The following OSTN variants were observed in gnomAD, a reference collection of about 807,000 sequenced individuals.
The protein encoded by OSTN is osteocrin.
Under a neutral mutation model 12.0 loss-of-function variants are expected in OSTN, and 9 were observed. That is an observed-to-expected ratio of 0.75 (90% CI 0.45 to 1.30). The LOEUF (loss-of-function observed/expected upper bound fraction) is 1.30. OSTN is among the 50% of genes most tolerant of loss of function. OSTN has a pLI of 0.00. For synonymous variants in OSTN, 59 were observed against 56.9 expected (o/e 1.04, Z -0.16); for missense variants, 148 against 152.3 (o/e 0.97, Z 0.15).
At chr3:191,206,677 G>C (rs990290750) in intron 1 of OSTN, among the ~76,000 whole-genome samples, 1 of 152,236 alleles carries the variant, frequency 6.6e-6, no homozygotes, top group Non-Finnish European at 1.5e-5. Context: ...AGTTGGTCTA[G>C]AGAGGAAAGT....
intron 3 of OSTN, among the ~76,000 whole-genome samples, chr3:191,239,714 A>T (rs142296853): frequency 1.3e-5 from 2 of 152,288 alleles, no homozygotes; most frequent in Non-Finnish European, 2.9e-5. Flanking sequence ...ATTCAAAACT[A>T]CCCCATTTAT....
intron 3 of OSTN, among the ~76,000 whole-genome samples, chr3:191,241,836 G>C (rs1715328491): frequency 6.6e-6 from 1 of 151,930 alleles, no homozygotes; most frequent in Non-Finnish European, 1.5e-5. Context: ...ATAACAGAAG[G>C]ATAACCAAAA....
At chr3:191,255,332 A>G (rs1266269534) in intron 4 of OSTN, among the ~76,000 whole-genome samples, 1 of 152,204 alleles carries the variant, frequency 6.6e-6, no homozygotes, top group Non-Finnish European at 1.5e-5. Context: ...CGCAACCCGG[A>G]GGATGGGAAT....
At chr3:191,228,096 T>C (rs9825137) in intron 3 of OSTN, among the ~76,000 whole-genome samples, 2 of 152,212 alleles carry the variant, frequency 1.3e-5, no homozygotes, top group East Asian at 3.9e-4. Flanking sequence ...TTCAAAATGG[T>C]TTGTAATTGA....
At chr3:191,217,220 C>T (rs760211452) in intron 2 of OSTN, 1 of 152,238 alleles carries the variant, frequency 6.6e-6, no homozygotes, top group East Asian at 1.9e-4. Context: ...TGAGAACTCA[C>T]TCACTATCCC....
chr3:191,251,073 C>T (rs1715548947), intron 4 of OSTN, among the ~76,000 whole-genome samples: 1 of 151,910 alleles, frequency 6.6e-6, no homozygotes, highest in African/African-American at 2.4e-5. Flanking sequence ...TAGCATTGTC[C>T]TGAGGATTAA....
intron 1 of OSTN, among the ~76,000 whole-genome samples, chr3:191,210,239 C>T (rs73070037): frequency 9.6e-4 from 146 of 152,308 alleles, no homozygotes; most frequent in African/African-American, 3.4e-3. Context: ...AAGGGAAAAT[C>T]TGCCTCCATT....
intron 2 of OSTN, among the ~76,000 whole-genome samples, chr3:191,216,550 G>A (rs553348457): frequency 1.6e-5 from 2 of 128,580 alleles, no homozygotes; most frequent in South Asian, 2.3e-4. Flanking sequence ...CCATCTCCTT[G>A]TGATACATAA....
chr3:191,228,370 A>T (rs1047299466), intron 3 of OSTN, among the ~76,000 whole-genome samples: 2 of 152,194 alleles, frequency 1.3e-5, no homozygotes, highest in African/African-American at 4.8e-5. Flanking sequence ...CATTGACAGA[A>T]AAAGTGTTTC....
At chr3:191,248,349 A>G (rs1207851527) in intron 3 of OSTN, among the ~76,000 whole-genome samples, 2 of 152,220 alleles carry the variant, frequency 1.3e-5, no homozygotes, top group African/African-American at 2.4e-5. Context: ...ACCTTTCTAC[A>G]TATCAGGTAC....
chr3:191,262,337 G>C (rs1320314725), intron 4 of OSTN, among the ~76,000 whole-genome samples: 1 of 152,130 alleles, frequency 6.6e-6, no homozygotes, highest in Non-Finnish European at 1.5e-5. Context: ...TTTTATTTTA[G>C]ATTTATATTG....
intron 3 of OSTN, among the ~76,000 whole-genome samples, chr3:191,219,567 G>A (rs1420885227): frequency 6.6e-6 from 1 of 152,212 alleles, no homozygotes; most frequent in Non-Finnish European, 1.5e-5. Flanking sequence ...TTCATAGAAT[G>A]CTAATTACGG....
intron 1 of OSTN, among the ~76,000 whole-genome samples, chr3:191,207,345 T>C (rs1053531754): frequency 6.6e-6 from 1 of 151,902 alleles, no homozygotes; most frequent in Middle Eastern, 3.2e-3. Context: ...ATGTTAATCA[T>C]AAATTTGCAG....
At chr3:191,245,387 A>T (rs545704693) in intron 3 of OSTN, among the ~76,000 whole-genome samples, 1 of 152,342 alleles carries the variant, frequency 6.6e-6, no homozygotes, top group South Asian at 2.1e-4. Flanking sequence ...GCTCCAGAAG[A>T]TAGGCATAGC....
chr3:191,250,253 CT>C (rs1715529562), intron 4 of OSTN, 120 bp downstream of exon 4: 3 of 723,920 alleles, frequency 4.1e-6, no homozygotes, highest in Non-Finnish European at 7.0e-6. Context: ...TATCAGTTCA[CT>C]TTTTCAATCA....
At chr3:191,243,717 T>C (rs1715370759) in intron 3 of OSTN, among the ~76,000 whole-genome samples, 1 of 152,148 alleles carries the variant, frequency 6.6e-6, no homozygotes, top group Non-Finnish European at 1.5e-5. Context: ...ACTTAAGATC[T>C]GCTCTTAGCA....
rs1391160207 is a variant in OSTN at position 191,264,319 on chromosome 3, T to C, written c.*1466T>C. 2.0e-5 allele frequency: 3 copies of C among 152,146 alleles called. No homozygotes were observed. Among genetic ancestry groups the C allele is most frequent in the African/African-American group, 7.2e-5 (3 of 41,460 alleles). The allele number at this position is 152,146 out of a possible 1,614,324, so 9.4% of individuals were successfully genotyped here. On this transcript the variant is annotated 3_prime_UTR_variant, in exon 5 of 5. Transcript: ENST00000682035. ...GGACTAATTTTTCAGTTATCCAATG[T>C]GCTTTTTAAAGATAAAGTTTAAAAG... is the stretch of plus-strand genomic sequence containing the variant.
intron 1 of OSTN, among the ~76,000 whole-genome samples, chr3:191,200,274 A>T (rs6790793): frequency 0.058 from 8,870 of 151,908 alleles, 475 homozygotes; most frequent in East Asian, 0.28. Flanking sequence ...CCTTCATGTC[A>T]GTGAATTTTA....
In OSTN at chr3:191,264,286, T is replaced by C. The variant is rs1715872270; in HGVS notation, c.*1433T>C. 6.6e-6 allele frequency: 1 copy of C among 152,080 alleles called. No homozygotes were observed. The highest frequency in any genetic ancestry group is 6.5e-5 in the Admixed American group (1 of 15,278). The allele number at this position is 152,080 out of a possible 1,614,324, so 9.4% of individuals were successfully genotyped here. A position where few individuals can be genotyped will look rare whatever the true frequency, so the allele number is the denominator to read the frequency against. On this transcript the variant is annotated 3_prime_UTR_variant, in exon 5 of 5. Transcript: ENST00000682035. ...AAAGAGTTAAACTAAGAAATTGACC[T>C]TTATGAAGGACTAATTTTTCAGTTA...
Sources: gnomAD v4.1 joint callset for allele counts (sites outside exome capture counted in the v4.1 genomes callset) on GRCh38, gnomAD v4.1.1 for gene constraint, MANE v1.5 for transcripts, NCBI Gene and HGNC (gene_info 2026-07-23, HGNC 2026-07-21) for gene names.